The following LASP1 variants were observed in gnomAD, a reference collection of about 807,000 sequenced individuals.
LASP1 encodes LIM and SH3 protein 1.
Under a neutral mutation model 38.6 loss-of-function variants are expected in LASP1, and 10 were observed. That is an observed-to-expected ratio of 0.26 (90% CI 0.16 to 0.44). The LOEUF (loss-of-function observed/expected upper bound fraction) is 0.44. Ranked by LOEUF, LASP1 falls within the 20% of genes least tolerant of loss-of-function variation. The pLI, the probability that LASP1 is intolerant of heterozygous loss-of-function variation, is 1.00. For synonymous variants in LASP1, 132 were observed against 140.8 expected, an observed-to-expected ratio of 0.94 and a Z score of 0.44; for missense variants, 243 against 375.7, an observed-to-expected ratio of 0.65 and a Z score of 2.92.
At chr17:38,904,004 C>G (rs911322885) in intron 4 of LASP1, 2 of 152,218 alleles carry the variant, frequency 1.3e-5, no homozygotes, top group East Asian at 3.9e-4. Context: ...TTTACTGGAG[C>G]CTCTTCTTTT....
At chr17:38,896,807 G>A (rs1470413920) in intron 3 of LASP1, 3 of 561,894 alleles carry the variant, frequency 5.3e-6, no homozygotes, top group Non-Finnish European at 6.8e-6. Context: ...CTGAGCCTGC[G>A]TTAGTGCTAG....
chr17:38,919,697 G>T lies in LASP1; in HGVS notation c.*919G>T. 1 of 354,884 alleles carries T rather than the reference G, an allele frequency of 2.8e-6. No homozygotes were observed. Among genetic ancestry groups the T allele is most frequent in the African/African-American group, 2.0e-5 (1 of 49,886 alleles). The allele number at this position is 354,884 out of a possible 1,614,324, so 22.0% of individuals were successfully genotyped here. A position where few individuals can be genotyped will look rare whatever the true frequency, so the allele number is the denominator to read the frequency against. Reference sequence around the variant, plus strand: ...CCCCCAGGATCTGGGTTAGGTGGCCGCTCCTCCCTGCTCCTCATGGGAAGA... The same window carrying T: ...CCCCCAGGATCTGGGTTAGGTGGCCTCTCCTCCCTGCTCCTCATGGGAAGA... On this transcript the variant is annotated 3_prime_UTR_variant, in exon 7 of 7. Coordinates refer to ENST00000318008, the MANE Select transcript of LASP1 (RefSeq NM_006148.4).
At chr17:38,874,477 A>G (rs915516341) in intron 1 of LASP1, among the ~76,000 whole-genome samples, 1 of 151,686 alleles carries the variant, frequency 6.6e-6, no homozygotes, top group African/African-American at 2.4e-5. Flanking sequence ...CAATTTTCCT[A>G]CCCCAAAAAG....
intron 3 of LASP1, chr17:38,896,877 G>C: frequency 1.0e-6 from 1 of 983,064 alleles, no homozygotes; most frequent in Non-Finnish European, 1.2e-6. Context: ...TATTATACCT[G>C]ATTTCTGTCA....
At chr17:38,876,047 C>T (rs1024783620) in intron 1 of LASP1, among the ~76,000 whole-genome samples, 2 of 152,084 alleles carry the variant, frequency 1.3e-5, no homozygotes, top group African/African-American at 4.8e-5. Flanking sequence ...GGTGATCCAG[C>T]ACATCATCCT....
intron 2 of LASP1, among the ~76,000 whole-genome samples, chr17:38,887,544 C>A (rs1453251961): frequency 6.6e-6 from 1 of 152,232 alleles, no homozygotes; most frequent in South Asian, 2.1e-4. Context: ...TTGCCAGCTG[C>A]GGACACCTGT....
At chr17:38,877,610 G>A (rs1481649075) in intron 1 of LASP1, among the ~76,000 whole-genome samples, 1 of 152,180 alleles carries the variant, frequency 6.6e-6, no homozygotes, top group Non-Finnish European at 1.5e-5. Context: ...GAGCACCTGG[G>A]TTCTGGGCCT....
intron 3 of LASP1, chr17:38,897,149 C>T: frequency 1.0e-5 from 9 of 884,460 alleles, no homozygotes; most frequent in Non-Finnish European, 1.2e-5. Flanking sequence ...AACAGCACAT[C>T]CAAGCCCTTC....
chr17:38,899,878 C>T (rs149098442), intron 4 of LASP1, among the ~76,000 whole-genome samples: 2,313 of 151,366 alleles, frequency 0.015, 72 homozygotes, highest in African/African-American at 0.053. Flanking sequence ...TACAGGTGCA[C>T]ACCACCACCC....
chr17:38,892,688 T>C (rs1158492117), intron 3 of LASP1, among the ~76,000 whole-genome samples: 1 of 151,076 alleles, frequency 6.6e-6, no homozygotes, highest in Non-Finnish European at 1.5e-5. Flanking sequence ...CCCCGAGGGG[T>C]GGGGTTTGAG....
intron 2 of LASP1, among the ~76,000 whole-genome samples, chr17:38,885,603 G>C (rs1279895888): frequency 6.6e-6 from 1 of 151,800 alleles, no homozygotes; most frequent in African/African-American, 2.4e-5. Flanking sequence ...TGGGACAAAG[G>C]ACAGCTGTGC....
At chr17:38,906,599 A>G (rs892777089) in intron 4 of LASP1, among the ~76,000 whole-genome samples, 17 of 152,166 alleles carry the variant, frequency 1.1e-4, no homozygotes, top group Non-Finnish European at 1.9e-4. Flanking sequence ...AGGGCACCCA[A>G]AAAAAGACCC....
At chr17:38,898,687 C>T (rs1361116177) in intron 4 of LASP1, 168 bp downstream of exon 4, 4 of 676,854 alleles carry the variant, frequency 5.9e-6, no homozygotes, top group African/African-American at 1.8e-5. Flanking sequence ...GATGCCTCTT[C>T]TCTGTGTACC....
At chr17:38,886,101 A>C in intron 2 of LASP1, among the ~76,000 whole-genome samples, 3 of 144,164 alleles carry the variant, frequency 2.1e-5, no homozygotes, top group African/African-American at 5.2e-5. Context: ...TCTCTCACTC[A>C]TTCTCTCTCA....
At chr17:38,898,748 G>A (rs1210077661) in intron 4 of LASP1, 4 of 596,278 alleles carry the variant, frequency 6.7e-6, no homozygotes, top group Non-Finnish European at 9.5e-6. Context: ...ACTGTATTCT[G>A]TGGGGGCCTG....
At position 38,918,822 on chromosome 17, in the gene LASP1, G is replaced by C. The variant is rs775926173; in HGVS notation, c.*44G>C. ...TGTCTTCAGCACATTCCACGGCATC[G>C]CATCCGTCCTGGGCGTGACCCGTCC... On this transcript the variant is annotated 3_prime_UTR_variant, in exon 7 of 7. Transcript: ENST00000318008. This position sits in a 1 kb window ranked among gnomAD's most constrained non-coding sequence, Gnocchi z 4.4. 5.1e-5 allele frequency: 82 copies of C among 1,601,372 alleles called. No homozygotes were observed. Among genetic ancestry groups the C allele is most frequent in the Non-Finnish European group, 6.8e-5 (80 of 1,172,662 alleles).
intron 2 of LASP1, among the ~76,000 whole-genome samples, chr17:38,880,501 A>T (rs1023609191): frequency 6.6e-6 from 1 of 152,218 alleles, no homozygotes; most frequent in Non-Finnish European, 1.5e-5. Context: ...CAAAAGAAGC[A>T]GGTTGGCCTC....
At chr17:38,883,946 T>C (rs1440902851) in intron 2 of LASP1, among the ~76,000 whole-genome samples, 1 of 151,684 alleles carries the variant, frequency 6.6e-6, no homozygotes, top group Non-Finnish European at 1.5e-5. Flanking sequence ...GAGCCCTCCC[T>C]TCCCGCCTGT....
Position 38,870,084 on chromosome 17 carries a change from C to T in LASP1, c.-106C>T, listed in dbSNP as rs1436184988. ...CCAGTTCCCCAGCTCCAGCCGCCGT[C>T]GCTGCTGCCTGTGTAGTTGCAGCCG... is the stretch of plus-strand genomic sequence containing the variant. On this transcript the variant is annotated 5_prime_UTR_variant, in exon 1 of 7. Coordinates refer to ENST00000318008, the MANE Select transcript of LASP1 (RefSeq NM_006148.4). The T allele has an allele frequency of 2.4e-6, 3 of 1,224,810 alleles. No individual in the cohort carries two copies. Among genetic ancestry groups the T allele is most frequent in the Admixed American group, 1.9e-5 (1 of 53,160 alleles). The allele number at this position is 1,224,810 out of a possible 1,614,324, so 75.9% of individuals were successfully genotyped here.
Sources: allele counts gnomAD v4.1 joint callset (sites outside exome capture counted in the v4.1 genomes callset), GRCh38; gene constraint gnomAD v4.1.1; non-coding constraint Gnocchi (gnomAD v3.1); transcripts MANE v1.5; gene names NCBI Gene and HGNC (gene_info 2026-07-23, HGNC 2026-07-21).